KCNIP4: variants seen among roughly 807,000 people sequenced by gnomAD.
KCNIP4 encodes the protein potassium voltage-gated channel interacting protein 4.
In KCNIP4, 12 loss-of-function variants were observed where a neutral mutation model predicts 34.0. The observed-to-expected ratio is 0.35, with a 90% CI of 0.23 to 0.57. The LOEUF is 0.57. Ranked by LOEUF, KCNIP4 falls within the 20% of genes least tolerant of loss-of-function variation. The pLI is 0.83. For synonymous variants in KCNIP4, 124 were observed against 102.2 expected, an observed-to-expected ratio of 1.21 and a Z score of -1.29; for missense variants, 238 against 311.7, an observed-to-expected ratio of 0.76 and a Z score of 1.78.
At chr4:21,045,313 TG>T (rs1230385303) in intron 1 of KCNIP4, among the ~76,000 whole-genome samples, 5 of 152,206 alleles carry the variant, frequency 3.3e-5, no homozygotes, top group Admixed American at 2.0e-4. Context: ...TCAGTAAGTC[TG>T]GGGTGGGACC....
chr4:21,787,201 C>T (rs1221053022), intron 1 of KCNIP4, among the ~76,000 whole-genome samples: 1 of 152,142 alleles, frequency 6.6e-6, no homozygotes, highest in Non-Finnish European at 1.5e-5. Context: ...GTACATGGTG[C>T]ATATAAAACA....
At chr4:21,336,496 C>T (rs1483122362) in intron 1 of KCNIP4, among the ~76,000 whole-genome samples, 1 of 152,158 alleles carries the variant, frequency 6.6e-6, no homozygotes, top group Non-Finnish European at 1.5e-5. Flanking sequence ...CCCATTTGTG[C>T]ACATCTCCCC....
intron 1 of KCNIP4, among the ~76,000 whole-genome samples, chr4:21,293,319 G>A (rs1763649351): frequency 6.6e-6 from 1 of 152,136 alleles, no homozygotes. Context: ...ACTCTTAAAT[G>A]AAGGAGGTAG....
chr4:21,805,933 T>C (rs1348244868), intron 1 of KCNIP4, among the ~76,000 whole-genome samples: 1 of 152,216 alleles, frequency 6.6e-6, no homozygotes, highest in Non-Finnish European at 1.5e-5. Context: ...GAATTAGGCA[T>C]GATGAAATGA....
chr4:21,714,285 C>T (rs1030875626), intron 1 of KCNIP4, among the ~76,000 whole-genome samples: 37 of 152,274 alleles, frequency 2.4e-4, no homozygotes, highest in African/African-American at 8.9e-4. Flanking sequence ...TCTCTCCCTT[C>T]CTTGACATAT....
chr4:20,810,965 C>T (rs946966135), intron 3 of KCNIP4, among the ~76,000 whole-genome samples: 3 of 152,130 alleles, frequency 2.0e-5, no homozygotes, highest in Admixed American at 6.5e-5. Context: ...ATACATATGA[C>T]GTGGACAAAG....
chr4:21,805,625 T>G (rs935640328), intron 1 of KCNIP4, among the ~76,000 whole-genome samples: 1 of 152,102 alleles, frequency 6.6e-6, no homozygotes, highest in Non-Finnish European at 1.5e-5. Context: ...CCCGAGGCTG[T>G]TTACCAAATA....
intron 1 of KCNIP4, among the ~76,000 whole-genome samples, chr4:21,501,277 C>CACACACACGT (rs1560464661): frequency 6.1e-5 from 9 of 147,274 alleles, no homozygotes; most frequent in African/African-American, 1.8e-4. Context: ...CACACACATG[C>CACACACACGT]CATGTCCTAA....
chr4:21,139,700 C>T (rs559860999), intron 1 of KCNIP4, among the ~76,000 whole-genome samples: 1 of 151,434 alleles, frequency 6.6e-6, no homozygotes, highest in Non-Finnish European at 1.5e-5. Context: ...GAAAGTGAAA[C>T]ACAGCTCAAC....
At chr4:21,185,047 G>A (rs968988771) in intron 1 of KCNIP4, among the ~76,000 whole-genome samples, 1 of 152,024 alleles carries the variant, frequency 6.6e-6, no homozygotes, top group African/African-American at 2.4e-5. Context: ...ATTGCCAAGA[G>A]TTGCAAAAAA....
intron 1 of KCNIP4, among the ~76,000 whole-genome samples, chr4:21,363,534 A>G (rs892034597): frequency 2.6e-5 from 4 of 152,196 alleles, no homozygotes; most frequent in African/African-American, 9.6e-5. Context: ...TAAAATAAAA[A>G]TTTATAATGT....
chr4:21,633,754 T>G (rs1035748683), intron 1 of KCNIP4, among the ~76,000 whole-genome samples: 19 of 152,118 alleles, frequency 1.2e-4, no homozygotes, highest in Non-Finnish European at 2.6e-4. Flanking sequence ...CTTATTAGAA[T>G]TTAAACTGAG....
At chr4:21,385,119 G>A (rs1265949684) in intron 1 of KCNIP4, among the ~76,000 whole-genome samples, 5 of 152,166 alleles carry the variant, frequency 3.3e-5, no homozygotes, top group Non-Finnish European at 7.3e-5. Context: ...TGCCACAAAG[G>A]CACATCTAGC....
chr4:21,488,822 A>C (rs1350217469), intron 1 of KCNIP4, among the ~76,000 whole-genome samples: 2 of 152,136 alleles, frequency 1.3e-5, no homozygotes, highest in Non-Finnish European at 2.9e-5. Flanking sequence ...ACTGAAAATA[A>C]GAAAGGGTTG....
At chr4:21,303,703 G>T in intron 1 of KCNIP4, 5 of 839,870 alleles carry the variant, frequency 6.0e-6, no homozygotes, top group Non-Finnish European at 9.2e-6. Flanking sequence ...CCATCCCAGA[G>T]TAACATTTCT....
At chr4:20,849,226 C>T (rs1413208326) in intron 3 of KCNIP4, among the ~76,000 whole-genome samples, 1 of 152,082 alleles carries the variant, frequency 6.6e-6, no homozygotes, top group Non-Finnish European at 1.5e-5. Flanking sequence ...CACCTATTGC[C>T]ACGAAGTCCT....
intron 1 of KCNIP4, among the ~76,000 whole-genome samples, chr4:21,936,134 G>A (rs1281301767): frequency 6.6e-6 from 1 of 151,952 alleles, no homozygotes; most frequent in South Asian, 2.1e-4. Flanking sequence ...AGAGATGACA[G>A]GGATTGAGAG....
At chr4:20,808,520 G>T (rs1167969784) in intron 3 of KCNIP4, among the ~76,000 whole-genome samples, 1 of 152,156 alleles carries the variant, frequency 6.6e-6, no homozygotes, top group African/African-American at 2.4e-5. Context: ...ATAATTATTT[G>T]CATGTAGTTA....
chr4:21,146,603 C>T lies in KCNIP4; in HGVS notation c.62-263894G>A, dbSNP rs1028423264. Among the ~76,000 whole-genome samples, 6 of 152,032 alleles carry T rather than the reference C, an allele frequency of 3.9e-5. No homozygotes were observed. In the South Asian group the frequency reaches 1.2e-3, roughly 32 times the overall value. On this transcript the variant is annotated intron_variant, in intron 1 of 8. Coordinates refer to ENST00000382152, the MANE Select transcript of KCNIP4 (RefSeq NM_025221.6). ...CTTTATGTCACAGTCATACAGTTCC[C>T]GAATAGCAACCCATAGATAGAGCCC...
Sources: allele counts gnomAD v4.1 joint callset (sites outside exome capture counted in the v4.1 genomes callset), GRCh38; gene constraint gnomAD v4.1.1; transcripts MANE v1.5; gene names NCBI Gene and HGNC (gene_info 2026-07-23, HGNC 2026-07-21).